Variants in FLNB observed in about 807,000 individuals in gnomAD.
FLNB encodes filamin-B.
In FLNB, 111 loss-of-function variants were observed where a neutral mutation model predicts 250.6. The ratio of observed to expected loss-of-function variants is 0.44; its 90% CI spans 0.38 to 0.52. The LOEUF (loss-of-function observed/expected upper bound fraction) is 0.52, where lower values mean the gene tolerates loss of function less well. Among genes scored for constraint, FLNB ranks in the 20% least tolerant of loss-of-function variants. FLNB has a pLI of 0.00. For synonymous variants in FLNB, 1,302 were observed against 1,372.1 expected (o/e 0.95, Z 1.13); for missense variants, 2,869 against 3,447.8 (o/e 0.83, Z 4.20).
chr3:58,114,551 C>T (rs201380614), intron 18 of FLNB, among the ~76,000 whole-genome samples: 4 of 151,636 alleles, frequency 2.6e-5, no homozygotes, highest in Non-Finnish European at 5.9e-5. Context: ...ATTATAAACC[C>T]GAAATGGAAT....
At chr3:58,134,591 G>GGTGT (rs151085835) in intron 26 of FLNB, 25 bp from the exon 27 acceptor site, 13 of 1,565,812 alleles carry the variant, frequency 8.3e-6, no homozygotes, top group Admixed American at 3.4e-5. Context: ...TATTGACTAG[G>GGTGT]GTGTGTGTGT....
intron 1 of FLNB, among the ~76,000 whole-genome samples, chr3:58,074,634 T>C (rs1207151770): frequency 6.6e-6 from 1 of 152,222 alleles, no homozygotes; most frequent in Non-Finnish European, 1.5e-5. Context: ...ATCTGTTTCC[T>C]ATATTTAGGG....
At chr3:58,126,008 T>G (rs1417677846) in intron 23 of FLNB, among the ~76,000 whole-genome samples, 1 of 152,186 alleles carries the variant, frequency 6.6e-6, no homozygotes, top group Non-Finnish European at 1.5e-5. Context: ...TAGCCAACCT[T>G]GTAAGTATTT....
chr3:58,107,175 A>G (rs749457084), intron 12 of FLNB, among the ~76,000 whole-genome samples: 42 of 152,134 alleles, frequency 2.8e-4, no homozygotes, highest in Non-Finnish European at 4.7e-4. Flanking sequence ...AACTACAGGC[A>G]TGTGCCACCA....
intron 1 of FLNB, among the ~76,000 whole-genome samples, chr3:58,062,477 C>G (rs1363780039): frequency 4.6e-5 from 7 of 152,114 alleles, no homozygotes; most frequent in Non-Finnish European, 1.0e-4. Context: ...TTGTAATGAA[C>G]TGCTTTAATG....
intron 39 of FLNB, among the ~76,000 whole-genome samples, chr3:58,153,851 C>T (rs956039324): frequency 1.1e-4 from 16 of 152,214 alleles, no homozygotes; most frequent in African/African-American, 3.6e-4. Context: ...AGGTTTCTTA[C>T]TGGGAGCCTC....
rs1217678096 is a variant in FLNB at position 58,034,347 on chromosome 3, A to G, written c.292+25491A>G. ...TACATTTCCACGAGCAGTGTTTGAGAGCTCCAGTTCTTGCACATCCTAGCC... is the reference window on the plus strand; with the variant it reads ...TACATTTCCACGAGCAGTGTTTGAGGGCTCCAGTTCTTGCACATCCTAGCC... On this transcript the variant is annotated intron_variant, in intron 1 of 45. Coordinates refer to ENST00000295956, the MANE Select transcript of FLNB (RefSeq NM_001457.4). 2.0e-5 allele frequency among the ~76,000 whole-genome samples: 3 copies of G among 151,826 alleles called. No homozygotes were observed. The East Asian group carries it at 5.8e-4, about 29-fold the overall frequency.
chr3:58,156,885 T>C (rs890209838), intron 41 of FLNB, among the ~76,000 whole-genome samples: 1 of 152,118 alleles, frequency 6.6e-6, no homozygotes, highest in African/African-American at 2.4e-5. Flanking sequence ...TTCGTAGAGA[T>C]GGGGTTGCAC....
chr3:58,018,962 C>CAAA (rs34503609), intron 1 of FLNB, among the ~76,000 whole-genome samples: 148 of 70,620 alleles, frequency 2.1e-3, no homozygotes, highest in Middle Eastern at 7.7e-3. Context: ...CACATCTCTA[C>CAAA]AAAAAAAAAA....
chr3:58,018,962 CAAAAAAAA>C (rs34503609), intron 1 of FLNB, among the ~76,000 whole-genome samples: 8 of 71,402 alleles, frequency 1.1e-4, no homozygotes, highest in Admixed American at 7.1e-4. Context: ...CACATCTCTA[CAAAAAAAA>C]AAAAAAAAAA....
chr3:58,159,600 T>A lies in FLNB; in HGVS notation c.6935T>A (p.Leu2312Ter). 1 of 1,614,086 alleles carries A rather than the reference T, an allele frequency of 6.2e-7. No homozygotes were observed. Among genetic ancestry groups the A allele is most frequent in the Non-Finnish European group, 8.5e-7 (1 of 1,179,990 alleles). The change falls in exon 42 of 46, where the codon TTG (leucine) becomes TAG (stop). Residue 2312 changes from leucine (L) to a stop codon, truncating the protein, a stop_gained. Transcript: ENST00000295956. LOFTEE classifies it high-confidence loss of function. ...VNQPASFAIRLNGAKGKIDAK... is the reference protein window; with the variant it reads ...VNQPASFAIR ...CAGCCAGCATCCTTTGCTATAAGGT[T>A]GAATGGCGCAAAAGGCAAGATTGAT...
chr3:58,042,994 A>G (rs1052702517), intron 1 of FLNB, among the ~76,000 whole-genome samples: 4 of 152,142 alleles, frequency 2.6e-5, no homozygotes, highest in African/African-American at 4.8e-5. Flanking sequence ...TTTGACACCT[A>G]TAACTTCTCA....
At chr3:58,067,272 C>A (rs554130195) in intron 1 of FLNB, among the ~76,000 whole-genome samples, 3 of 152,124 alleles carry the variant, frequency 2.0e-5, no homozygotes, top group East Asian at 1.9e-4. Context: ...TGCTCCTGAT[C>A]TACTGTATCA....
At chr3:58,150,575 G>A (rs1352577047) in intron 38 of FLNB, 4 of 351,286 alleles carry the variant, frequency 1.1e-5, no homozygotes, top group Non-Finnish European at 2.2e-5. Context: ...CCAGGGTCTG[G>A]AAGTATTTAA....
intron 18 of FLNB, among the ~76,000 whole-genome samples, chr3:58,115,778 A>C (rs968350589): frequency 8.8e-6 from 1 of 113,808 alleles, no homozygotes; most frequent in Admixed American, 9.3e-5. Flanking sequence ...AGCTGCTTGA[A>C]GCCACCCACA....
chr3:58,108,382 C>A (rs2097263181), intron 12 of FLNB, 76 bp from the exon 13 acceptor site: 1 of 930,470 alleles, frequency 1.1e-6, no homozygotes, highest in African/African-American at 1.6e-5. Context: ...CCCCCACCCC[C>A]TGGTTACCTG....
chr3:58,143,979 GTGGAAGAAGAGGACCAGCAGCCC>G (rs569080375), intron 32 of FLNB, among the ~76,000 whole-genome samples: 84 of 152,280 alleles, frequency 5.5e-4, no homozygotes, highest in East Asian at 4.8e-3. Context: ...CAGGTCAGAG[GTGGAAGAAGAGGACCAGCAGCCC>G]TGGAAGAAGA....
chr3:58,107,139 C>T (rs1032566515), intron 12 of FLNB, among the ~76,000 whole-genome samples: 8 of 152,284 alleles, frequency 5.3e-5, no homozygotes, highest in South Asian at 2.1e-4. Context: ...AAGTGATTCT[C>T]GTGCCTTAGC....
At chr3:58,088,257 A>G (rs967591387) in intron 4 of FLNB, among the ~76,000 whole-genome samples, 2 of 152,064 alleles carry the variant, frequency 1.3e-5, no homozygotes, top group African/African-American at 2.4e-5. Flanking sequence ...CATGTTGGCC[A>G]GGCTGGTCTC....
Sources: gnomAD v4.1 joint callset for allele counts (sites outside exome capture counted in the v4.1 genomes callset) on GRCh38, gnomAD v4.1.1 for gene constraint, MANE v1.5 for transcripts, NCBI Gene and HGNC (gene_info 2026-07-23, HGNC 2026-07-21) for gene names.